Variants in SYN1 observed in about 807,000 individuals in gnomAD.
SYN1 encodes synapsin I.
In SYN1, 8 loss-of-function variants were observed where a neutral mutation model predicts 44.6. That is an observed-to-expected ratio of 0.18 (90% CI 0.11 to 0.32). The LOEUF is 0.32. SYN1 is among the 10% of genes least tolerant of loss of function. The pLI, the probability that SYN1 is intolerant of heterozygous loss-of-function variation, is 1.00. For synonymous variants in SYN1, 275 were observed against 280.1 expected, an observed-to-expected ratio of 0.98 and a Z score of 0.18; for missense variants, 451 against 639.4, an observed-to-expected ratio of 0.71 and a Z score of 3.18.
intron 5 of SYN1, chrX:47,586,352 G>A (rs1014516459): frequency 2.7e-6 from 2 of 750,895 alleles, no homozygotes; most frequent in African/African-American, 4.6e-5. Flanking sequence ...TACCTTTCAG[G>A]ACCCAGTGAC....
chrX:47,612,713 C>G (rs1342932435), intron 1 of SYN1, among the ~76,000 whole-genome samples: 2 of 111,865 alleles, frequency 1.8e-5, no homozygotes, highest in African/African-American at 6.5e-5. Flanking sequence ...ATACATATAT[C>G]CACTTATGGG....
chrX:47,596,400 A>G (rs1373149496), intron 5 of SYN1, among the ~76,000 whole-genome samples: 2 of 112,755 alleles, frequency 1.8e-5, no homozygotes, highest in African/African-American at 6.4e-5. Flanking sequence ...CTGGGAATCT[A>G]GAAAACCACA....
chrX:47,578,872 G>A (rs777441752), intron 5 of SYN1, among the ~76,000 whole-genome samples: 1 of 111,324 alleles, frequency 9.0e-6, no homozygotes. Context: ...GCCTCCCTCT[G>A]CACACCCCCC....
chrX:47,585,128 C>T, intron 5 of SYN1: 1 of 1,163,486 alleles, frequency 8.6e-7, no homozygotes, highest in Non-Finnish European at 1.2e-6. Flanking sequence ...TCTTGGGATG[C>T]TATATGACTT....
chrX:47,601,907 T>A (rs1384610645), intron 5 of SYN1, among the ~76,000 whole-genome samples: 3 of 111,972 alleles, frequency 2.7e-5, no homozygotes, highest in African/African-American at 9.7e-5. Context: ...TGCATGAAAA[T>A]CAATTAATGT....
At chrX:47,592,120 T>G (rs2057849833) in intron 5 of SYN1, among the ~76,000 whole-genome samples, 1 of 111,512 alleles carries the variant, frequency 9.0e-6, no homozygotes, top group Admixed American at 9.6e-5. Context: ...GCAGGAGGAT[T>G]ACTTGAGGCC....
At chrX:47,591,270 A>G (rs369635880) in intron 5 of SYN1, among the ~76,000 whole-genome samples, 3 of 112,428 alleles carry the variant, frequency 2.7e-5, no homozygotes, top group African/African-American at 9.7e-5. Context: ...TGTCAGAACT[A>G]CATAGTTACA....
chrX:47,607,387 C>A (rs1313468018), intron 1 of SYN1, among the ~76,000 whole-genome samples, 189 bp from the exon 2 acceptor site: 1 of 111,595 alleles, frequency 9.0e-6, no homozygotes, highest in Non-Finnish European at 1.9e-5. Flanking sequence ...CATGGAGTTG[C>A]AAAAATATTA....
At chrX:47,574,995 T>C (rs181052661) in intron 10 of SYN1, 133 bp downstream of exon 10, 37 of 943,747 alleles carry the variant, frequency 3.9e-5, no homozygotes, top group Admixed American at 1.6e-4. Flanking sequence ...TTTTAAACAA[T>C]TGGCAATCGC....
chrX:47,599,971 C>T (rs902494848), intron 5 of SYN1, among the ~76,000 whole-genome samples: 12 of 111,970 alleles, frequency 1.1e-4, no homozygotes, highest in African/African-American at 3.6e-4. Flanking sequence ...TTTAAAACAG[C>T]AATTGTTACT....
chrX:47,576,362 G>T lies in SYN1; in HGVS notation c.1025C>A (p.Ala342Glu). ...AGACATGGCAATTTGCTCCAGCATCGCAGAGCCAGTATTGGTCTTCCAGTT... is the reference window on the plus strand; with the variant it reads ...AGACATGGCAATTTGCTCCAGCATCTCAGAGCCAGTATTGGTCTTCCAGTT... ...SGNWKTNTGS[A>E]MLEQIAMSDR... The change falls in exon 8 of 13, where the codon GCG becomes GAG. Residue 342 changes from alanine (A) to glutamate (E), a missense_variant. Coordinates refer to ENST00000295987, the MANE Select transcript of SYN1 (RefSeq NM_006950.3). The T allele has an allele frequency of 8.3e-7, 1 of 1,211,670 alleles. No individual in the cohort carries two copies. Among genetic ancestry groups the T allele is most frequent in the Non-Finnish European group, 1.1e-6 (1 of 895,496 alleles).
In SYN1 at chrX:47,613,512, C is replaced by T. The variant is rs774435639; in HGVS notation, c.377+5840G>A. Among the ~76,000 whole-genome samples the T allele has an allele frequency of 2.8e-4, 31 of 111,502 alleles. No individual in the cohort carries two copies. In the South Asian group the frequency reaches 3.0e-3, roughly 11 times the overall value. On this transcript the variant is annotated intron_variant, in intron 1 of 12. Transcript: ENST00000295987. ...CTTCCATCCTGCAAAGAACAGTAAT[C>T]GATTTTGACTGGAATATTCCATATT...
In SYN1 at chrX:47,586,711, C is replaced by G. The variant is rs749859190; in HGVS notation, c.775-9210G>C. 9.1e-6 allele frequency: 11 copies of G among 1,202,696 alleles called. No individual in the cohort carries two copies. In the East Asian group the frequency reaches 3.0e-4, roughly 32 times the overall value. ...GCCTGAATCCTGCCCGGAGTGGAAG[C>G]TGAAGCCTGCACAGTGTCCACCCTG... is the stretch of plus-strand genomic sequence containing the variant. On this transcript the variant is annotated intron_variant, in intron 5 of 12. Coordinates refer to ENST00000295987, the MANE Select transcript of SYN1 (RefSeq NM_006950.3).
At position 47,574,477 on chromosome X, in the gene SYN1, G is replaced by C. The variant is rs2147912315; in HGVS notation, c.1507C>G (p.Pro503Ala). 1 of 1,074,188 alleles carries C rather than the reference G, an allele frequency of 9.3e-7. No homozygotes were observed. The highest frequency in any genetic ancestry group is 1.9e-5 in the African/African-American group (1 of 52,398). The allele number at this position is 1,074,188 out of a possible 1,213,427, so 88.5% of individuals were successfully genotyped here. A position where few individuals can be genotyped will look rare whatever the true frequency, so the allele number is the denominator to read the frequency against. The change falls in exon 12 of 13, where the codon CCC becomes GCC. Residue 503 changes from proline (P) to alanine (A), a missense_variant. By Grantham distance (27) the Pro-to-Ala change is conservative. Transcript: ENST00000295987. ...GGACTTGGAAGGCGCTGGGGCAGGG[G>C]GCTGCCAGCTGGGGGTCCAAGGCCT... ...LSGLGPPAGS[P>A]LPQRLPSPTS...
chrX:47,619,510 GC>G lies in SYN1; in HGVS notation c.218del (p.Gly73AlafsTer71). ...PAAPSPGSSGGGGFFSSLSNA... is the reference protein window; with the variant it reads ...PAAPSPGSSGXGGFFSSLSNA... ...TGGACAGCGACGAGAAGAAGCCACC[GC>G]CCCCCGAGGACCCGGGGCTAGGGGC... On this transcript the variant is annotated frameshift_variant, in exon 1 of 13. Coordinates refer to ENST00000295987, the MANE Select transcript of SYN1 (RefSeq NM_006950.3). LOFTEE classifies it high-confidence loss of function. 1 of 1,197,888 alleles carries G rather than the reference GC, an allele frequency of 8.3e-7. No homozygotes were observed.
At chrX:47,598,179 G>T (rs2057869153) in intron 5 of SYN1, among the ~76,000 whole-genome samples, 1 of 112,096 alleles carries the variant, frequency 8.9e-6, no homozygotes, top group African/African-American at 3.2e-5. Context: ...TTTTACTCCT[G>T]ATTTAAAAGA....
chrX:47,589,965 G>A (rs1351314644), intron 5 of SYN1: 3 of 111,433 alleles, frequency 2.7e-5, no homozygotes, highest in Non-Finnish European at 5.6e-5. Context: ...TGTATGATTA[G>A]TACCAATAAT....
rs2057834758 is a variant in SYN1 at position 47,588,364 on chromosome X, C to CA, written c.775-10864dup. On this transcript the variant is annotated intron_variant, in intron 5 of 12. Coordinates refer to ENST00000295987, the MANE Select transcript of SYN1 (RefSeq NM_006950.3). ...CTGGCAATTCGCCAAACCTTAGTGT[C>CA]AGCTACCTGCACTCTTAAGCTGCTC... Among the ~76,000 whole-genome samples the CA allele has an allele frequency of 2.7e-5, 3 of 112,866 alleles. No homozygotes were observed. The South Asian group carries it at 1.1e-3, about 41-fold the overall frequency.
intron 1 of SYN1, among the ~76,000 whole-genome samples, chrX:47,609,693 C>T (rs2057911357): frequency 8.9e-6 from 1 of 112,098 alleles, no homozygotes; most frequent in Admixed American, 9.4e-5. Context: ...GGAGGTGGGG[C>T]ATAGATAGCC....
Sources: gnomAD v4.1 joint callset for allele counts (sites outside exome capture counted in the v4.1 genomes callset) on GRCh38, gnomAD v4.1.1 for gene constraint, MANE v1.5 for transcripts, NCBI Gene and HGNC (gene_info 2026-07-23, HGNC 2026-07-21) for gene names.